Variants in BCAS1 observed in about 807,000 individuals in gnomAD.
BCAS1 encodes the protein breast carcinoma-amplified sequence 1.
A neutral mutation model predicts 65.4 loss-of-function variants in BCAS1; 46 were observed. The observed-to-expected ratio is 0.70, with a 90% CI of 0.55 to 0.90. The LOEUF is 0.90. Ranked by LOEUF, BCAS1 falls within the 40% of genes least tolerant of loss-of-function variation. The pLI is 0.00. For synonymous variants in BCAS1, 298 were observed against 293.5 expected (o/e 1.02, Z -0.16); for missense variants, 793 against 771.2 (o/e 1.03, Z -0.33).
Position 54,055,224 on chromosome 20 carries a change from A to G in BCAS1, c.142+2861T>C, listed in dbSNP as rs931616245. Reference sequence around the variant, plus strand: ...GTAAACTGGCGTAGTCATTATGGGAAATAGTATGGAAGTTCCTAAGAAAGT... The same window carrying G: ...GTAAACTGGCGTAGTCATTATGGGAGATAGTATGGAAGTTCCTAAGAAAGT... On this transcript the variant is annotated intron_variant, in intron 3 of 12. Coordinates refer to ENST00000688948, the MANE Select transcript of BCAS1 (RefSeq NM_001366298.2). Among the ~76,000 whole-genome samples, 10 of 152,336 alleles carry G rather than the reference A, an allele frequency of 6.6e-5. No individual in the cohort carries two copies. In the East Asian group the frequency reaches 1.7e-3, roughly 26 times the overall value.
chr20:53,999,248 C>T (rs1017140138), intron 4 of BCAS1, among the ~76,000 whole-genome samples: 2 of 152,200 alleles, frequency 1.3e-5, no homozygotes, highest in African/African-American at 4.8e-5. Flanking sequence ...GCACTTATAA[C>T]TTGTTTAAAC....
intron 12 of BCAS1, 115 bp downstream of exon 12, chr20:53,953,317 T>G: frequency 7.6e-7 from 1 of 1,319,750 alleles, no homozygotes; most frequent in South Asian, 1.4e-5. Context: ...CCCTGAGTGA[T>G]AGACCCGGGA....
At chr20:53,981,452 C>A (rs944020026) in intron 8 of BCAS1, among the ~76,000 whole-genome samples, 1 of 152,202 alleles carries the variant, frequency 6.6e-6, no homozygotes, top group Admixed American at 6.5e-5. Context: ...GCATTTGTTA[C>A]CTGTACTCCA....
chr20:54,024,293 A>G (rs1200630061), intron 4 of BCAS1, among the ~76,000 whole-genome samples: 1 of 152,234 alleles, frequency 6.6e-6, no homozygotes, highest in African/African-American at 2.4e-5. Flanking sequence ...TTCTACCACT[A>G]AACAGTAGAG....
At chr20:54,047,837 T>G (rs1452656347) in intron 3 of BCAS1, among the ~76,000 whole-genome samples, 2 of 152,232 alleles carry the variant, frequency 1.3e-5, no homozygotes, top group Non-Finnish European at 2.9e-5. Context: ...CAGAAATTTC[T>G]GGGGTTTAAA....
At position 53,949,399 on chromosome 20, in the gene BCAS1, A is replaced by G. The variant is rs187030547; in HGVS notation, c.1815+4033T>C. Among the ~76,000 whole-genome samples, 448 of 152,246 alleles carry G rather than the reference A, an allele frequency of 2.9e-3. 2 individuals carry two copies. Among genetic ancestry groups the G allele is most frequent in the Admixed American group, 9.2e-3 (140 of 15,298 alleles). Reference sequence around the variant, plus strand: ...TTAGAACTCAAGTAGCATGATGGAGAAGGAGGAAAAAAGGACCTGACTAAC... The same window carrying G: ...TTAGAACTCAAGTAGCATGATGGAGGAGGAGGAAAAAAGGACCTGACTAAC... On this transcript the variant is annotated intron_variant, in intron 12 of 12. Coordinates refer to ENST00000688948, the MANE Select transcript of BCAS1 (RefSeq NM_001366298.2).
At chr20:53,974,091 G>A (rs1451942277) in intron 9 of BCAS1, among the ~76,000 whole-genome samples, 2 of 152,116 alleles carry the variant, frequency 1.3e-5, no homozygotes, top group African/African-American at 2.4e-5. Flanking sequence ...TCTGTGTCTA[G>A]CAAAAGGATT....
chr20:54,005,686 C>T (rs1305261621), intron 4 of BCAS1, among the ~76,000 whole-genome samples: 1 of 152,060 alleles, frequency 6.6e-6, no homozygotes, highest in Non-Finnish European at 1.5e-5. Context: ...CCAGTGTGCA[C>T]CAAGGTCAAG....
intron 9 of BCAS1, among the ~76,000 whole-genome samples, chr20:53,970,632 G>T (rs2145659369): frequency 6.6e-6 from 1 of 152,234 alleles, no homozygotes; most frequent in Non-Finnish European, 1.5e-5. Flanking sequence ...TAGAGGATAT[G>T]GTAGACATTG....
At chr20:53,972,135 A>G (rs1408599784) in intron 9 of BCAS1, among the ~76,000 whole-genome samples, 1 of 152,246 alleles carries the variant, frequency 6.6e-6, no homozygotes, top group Non-Finnish European at 1.5e-5. Flanking sequence ...GAAATTTTAA[A>G]GAATAAACTC....
intron 4 of BCAS1, among the ~76,000 whole-genome samples, chr20:54,017,689 C>A (rs2091469382): frequency 6.6e-6 from 1 of 152,218 alleles, no homozygotes; most frequent in African/African-American, 2.4e-5. Flanking sequence ...AGCCACCACG[C>A]CCGGCCAATA....
At chr20:53,963,630 C>T (rs1471914122) in intron 10 of BCAS1, among the ~76,000 whole-genome samples, 1 of 152,014 alleles carries the variant, frequency 6.6e-6, no homozygotes, top group Admixed American at 6.6e-5. Flanking sequence ...TAACAATATC[C>T]AAAATTTGTC....
At position 53,944,737 on chromosome 20, in the gene BCAS1, A is replaced by G; in HGVS notation, c.*185T>C. 2 of 633,770 alleles carry G rather than the reference A, an allele frequency of 3.2e-6. No individual in the cohort carries two copies. The highest frequency in any genetic ancestry group is 5.6e-6 in the Non-Finnish European group (2 of 354,132). The allele number at this position is 633,770 out of a possible 1,614,324, so 39.3% of individuals were successfully genotyped here. A position where few individuals can be genotyped will look rare whatever the true frequency, so the allele number is the denominator to read the frequency against. On this transcript the variant is annotated 3_prime_UTR_variant, in exon 13 of 13. Transcript: ENST00000688948. Reference sequence around the variant, plus strand: ...ACCATCTTTACTGTTATTTGCCAGAAAAGACTGGACCAGAGACGTAAATAA... The same window carrying G: ...ACCATCTTTACTGTTATTTGCCAGAGAAGACTGGACCAGAGACGTAAATAA...
intron 4 of BCAS1, among the ~76,000 whole-genome samples, chr20:54,003,182 T>C (rs1381669483): frequency 8.5e-6 from 1 of 117,976 alleles, no homozygotes; most frequent in African/African-American, 3.5e-5. Flanking sequence ...TTCCTTAGCA[T>C]AATGCCTAGT....
At chr20:54,015,347 G>A (rs1450924003) in intron 4 of BCAS1, among the ~76,000 whole-genome samples, 1 of 151,468 alleles carries the variant, frequency 6.6e-6, no homozygotes, top group African/African-American at 2.4e-5. Context: ...TTTTTTTTAA[G>A]TTTGTTTTAC....
At chr20:53,952,202 C>T (rs74326774) in intron 12 of BCAS1, among the ~76,000 whole-genome samples, 1,613 of 152,304 alleles carry the variant, frequency 0.011, 33 homozygotes, top group African/African-American at 0.037. Flanking sequence ...ATTTTGGTAT[C>T]TATTATTTTA....
intron 9 of BCAS1, among the ~76,000 whole-genome samples, chr20:53,968,894 C>T (rs1232212269): frequency 1.3e-5 from 2 of 152,160 alleles, no homozygotes; most frequent in East Asian, 1.9e-4. Context: ...CTTTGGACCC[C>T]AATCTATCTT....
intron 1 of BCAS1, among the ~76,000 whole-genome samples, chr20:54,069,648 A>T (rs1537439): frequency 0.36 from 54,802 of 152,132 alleles, 10,681 homozygotes; most frequent in Middle Eastern, 0.51. Context: ...AACCACAGCT[A>T]AGAGTTACTA....
At position 54,061,337 on chromosome 20, in the gene BCAS1, C is replaced by T. The variant is rs536863875; in HGVS notation, c.-5-2614G>A. On this transcript the variant is annotated intron_variant, in intron 1 of 12. Coordinates refer to ENST00000688948, the MANE Select transcript of BCAS1 (RefSeq NM_001366298.2). ...GCAAACATCCAGTGAGGAATTGACT[C>T]CTAGTATATCTGATCCCTACACAAG... Among the ~76,000 whole-genome samples, 36 of 152,266 alleles carry T rather than the reference C, an allele frequency of 2.4e-4. No individual in the cohort carries two copies. The South Asian group carries it at 6.8e-3, about 29-fold the overall frequency.
Sources: allele counts gnomAD v4.1 joint callset (sites outside exome capture counted in the v4.1 genomes callset), GRCh38; gene constraint gnomAD v4.1.1; transcripts MANE v1.5; gene names NCBI Gene and HGNC (gene_info 2026-07-23, HGNC 2026-07-21).